The following MEIKIN variants were observed in gnomAD, a reference collection of about 807,000 sequenced individuals.
MEIKIN encodes the protein meiosis-specific kinetochore protein.
intron 11 of MEIKIN, among the ~76,000 whole-genome samples, chr5:131,829,386 G>A (rs1451255998): frequency 6.6e-6 from 1 of 152,144 alleles, no homozygotes; most frequent in Non-Finnish European, 1.5e-5. Flanking sequence ...ATGGCATGGG[G>A]AAAACAGAAG....
intron 4 of MEIKIN, among the ~76,000 whole-genome samples, chr5:131,933,890 ACTT>A (rs1417742682): frequency 6.6e-5 from 10 of 150,748 alleles, no homozygotes; most frequent in African/African-American, 2.5e-4. Context: ...AAGTTTTACA[ACTT>A]ACTCCTTTTC....
chr5:131,878,811 G>C, intron 9 of MEIKIN, 167 bp downstream of exon 9: 2 of 369,878 alleles, frequency 5.4e-6, no homozygotes, highest in Non-Finnish European at 9.5e-6. Context: ...GAAGTTCAAG[G>C]CTGTAGTGAG....
intron 10 of MEIKIN, among the ~76,000 whole-genome samples, chr5:131,852,524 A>G (rs1750132654): frequency 1.3e-5 from 2 of 152,192 alleles, no homozygotes; most frequent in Non-Finnish European, 2.9e-5. Flanking sequence ...ACATAGATGA[A>G]TTTTTAAAAC....
chr5:131,819,138 G>A (rs1749429552), intron 11 of MEIKIN, among the ~76,000 whole-genome samples: 2 of 152,108 alleles, frequency 1.3e-5, no homozygotes, highest in South Asian at 2.1e-4. Flanking sequence ...AGGATAGGGA[G>A]TAAGTAATGG....
In MEIKIN at chr5:131,916,895, T is replaced by C. The variant is rs1245298655; in HGVS notation, c.629A>G (p.His210Arg). The C allele has an allele frequency of 2.5e-6, 1 of 397,380 alleles. No homozygotes were observed. The highest frequency in any genetic ancestry group is 2.1e-5 in the African/African-American group (1 of 48,596). The allele number at this position is 397,380 out of a possible 1,614,324, so 24.6% of individuals were successfully genotyped here. The change falls in exon 7 of 13, where the codon CAT becomes CGT. Residue 210 changes from histidine (H) to arginine (R), a missense_variant. His to Arg is a conservative substitution (Grantham distance 29). Coordinates refer to ENST00000442687, the MANE Select transcript of MEIKIN (RefSeq NM_001303622.2). ...STSSEDYQKC[H>R]RKTVMTVADQ... The stretch of plus-strand genomic sequence containing the variant: ...AATTTTTAGTTCTTACGTTTTTCTA[T>C]GGCATTTCTGATAGTCTTCTGAAGA...
At position 131,945,638 on chromosome 5, in the gene MEIKIN, C is replaced by T. The variant is rs538082822; in HGVS notation, c.-133G>A. 2 of 395,858 alleles carry T rather than the reference C, an allele frequency of 5.1e-6. No individual in the cohort carries two copies. The highest frequency in any genetic ancestry group is 2.1e-5 in the African/African-American group (1 of 48,626). 24.5% of individuals were successfully genotyped at this position (395,858 alleles called of 1,614,324 possible). ...GCGGAGCAGCCTCACAGCAACTAAT[C>T]GAGCGAAAGCAAAAGCCCCAGAACT... On this transcript the variant is annotated 5_prime_UTR_variant, in exon 1 of 13. Coordinates refer to ENST00000442687, the MANE Select transcript of MEIKIN (RefSeq NM_001303622.2).
intron 9 of MEIKIN, among the ~76,000 whole-genome samples, chr5:131,865,945 TC>T (rs1317202187): frequency 6.6e-6 from 1 of 152,234 alleles, no homozygotes; most frequent in Admixed American, 6.5e-5. Context: ...AGCATGCCTG[TC>T]CTTGGTCCCC....
At chr5:131,903,287 G>A (rs889124011) in intron 8 of MEIKIN, among the ~76,000 whole-genome samples, 14 of 152,014 alleles carry the variant, frequency 9.2e-5, no homozygotes, top group African/African-American at 1.5e-4. Flanking sequence ...TTCAAATTCA[G>A]GACAAGCAGA....
chr5:131,839,863 T>C (rs1462519843), intron 11 of MEIKIN, among the ~76,000 whole-genome samples: 1 of 152,220 alleles, frequency 6.6e-6, no homozygotes, highest in African/African-American at 2.4e-5. Context: ...AGGTTCATAT[T>C]GAAATGTATG....
chr5:131,810,720 C>G (rs1433955990), intron 12 of MEIKIN, among the ~76,000 whole-genome samples: 4 of 152,204 alleles, frequency 2.6e-5, no homozygotes, highest in Non-Finnish European at 5.9e-5. Flanking sequence ...TTTTCTACAG[C>G]CTCCTTTATC....
chr5:131,941,360 T>C (rs895115339), intron 4 of MEIKIN, among the ~76,000 whole-genome samples: 2 of 151,860 alleles, frequency 1.3e-5, no homozygotes, highest in African/African-American at 4.8e-5. Flanking sequence ...GGTTTCACCA[T>C]GTTGGCCAGG....
At chr5:131,914,535 G>GAGGGGA (rs1751382356) in intron 7 of MEIKIN, among the ~76,000 whole-genome samples, 2 of 135,472 alleles carry the variant, frequency 1.5e-5, no homozygotes. Context: ...GAGGGGAGGG[G>GAGGGGA]AGGGGAAGGG....
At chr5:131,901,063 T>A (rs888456386) in intron 8 of MEIKIN, among the ~76,000 whole-genome samples, 1 of 152,132 alleles carries the variant, frequency 6.6e-6, no homozygotes, top group African/African-American at 2.4e-5. Flanking sequence ...GCTAGCCCCA[T>A]GCCTGCCAGT....
chr5:131,888,986 G>A lies in MEIKIN; in HGVS notation c.704-9938C>T, dbSNP rs150544497. Among the ~76,000 whole-genome samples, 13 of 152,160 alleles carry A rather than the reference G, an allele frequency of 8.5e-5. No homozygotes were observed. The East Asian group carries it at 2.5e-3, about 29-fold the overall frequency. ...ATAGGAAATGTTTTTCCCATTGCTT[G>A]TTTATGTCAGGTTTGTCAAACATCA... is the stretch of plus-strand genomic sequence containing the variant. On this transcript the variant is annotated intron_variant, in intron 8 of 12. Coordinates refer to ENST00000442687, the MANE Select transcript of MEIKIN (RefSeq NM_001303622.2).
intron 8 of MEIKIN, among the ~76,000 whole-genome samples, chr5:131,903,977 AC>A (rs1255455680): frequency 6.6e-6 from 1 of 152,168 alleles, no homozygotes; most frequent in Non-Finnish European, 1.5e-5. Flanking sequence ...AAACAAAAAA[AC>A]AAAAAAATAA....
intron 9 of MEIKIN, among the ~76,000 whole-genome samples, chr5:131,859,584 G>GTA (rs1477733106): frequency 6.6e-6 from 1 of 152,122 alleles, no homozygotes; most frequent in East Asian, 1.9e-4. Flanking sequence ...TCCACCATGA[G>GTA]TAAAAGCTCC....
chr5:131,855,155 G>C (rs1157805522), intron 9 of MEIKIN, among the ~76,000 whole-genome samples: 1 of 152,076 alleles, frequency 6.6e-6, no homozygotes, highest in Non-Finnish European at 1.5e-5. Context: ...AGGAAATGGC[G>C]CTTCAGTTAT....
intron 11 of MEIKIN, among the ~76,000 whole-genome samples, chr5:131,843,957 G>A (rs1580869123): frequency 6.6e-6 from 1 of 152,314 alleles, no homozygotes; most frequent in East Asian, 1.9e-4. Flanking sequence ...AAGAGAAGAG[G>A]TTTAATTGAC....
intron 4 of MEIKIN, among the ~76,000 whole-genome samples, chr5:131,938,152 C>T (rs947219835): frequency 6.7e-6 from 1 of 148,956 alleles, no homozygotes; most frequent in Non-Finnish European, 1.5e-5. Context: ...CCATAGAACT[C>T]GCCCCTCACC....
Sources: allele counts gnomAD v4.1 joint callset (sites outside exome capture counted in the v4.1 genomes callset), GRCh38; gene constraint gnomAD v4.1.1; transcripts MANE v1.5; gene names NCBI Gene and HGNC (gene_info 2026-07-23, HGNC 2026-07-21).